The following PAN3 variants were observed in gnomAD, a reference collection of about 807,000 sequenced individuals.
The protein encoded by PAN3 is PAN2-PAN3 deadenylation complex subunit PAN3.
In PAN3, 19 loss-of-function variants were observed where a neutral mutation model predicts 96.2. That is an observed-to-expected ratio of 0.20 (90% CI 0.14 to 0.29). PAN3 has a LOEUF of 0.29. Ranked by LOEUF, PAN3 falls within the 10% of genes least tolerant of loss-of-function variation. The pLI is 1.00. For synonymous variants in PAN3, 433 were observed against 406.6 expected, an observed-to-expected ratio of 1.06 and a Z score of -0.78; for missense variants, 882 against 1,108.1, an observed-to-expected ratio of 0.80 and a Z score of 2.90.
rs549861147 is a variant in PAN3 at position 28,200,692 on chromosome 13, G to T, written c.852+3346G>T. On this transcript the variant is annotated intron_variant, in intron 5 of 18. Transcript: ENST00000380958. ...AATACATATGTGGAGCTGCTAATTA[G>T]AGAAACAGAGAAGCTTAAAATTTTT... 2.7e-4 allele frequency among the ~76,000 whole-genome samples: 41 copies of T among 152,314 alleles called. No individual in the cohort carries two copies. The South Asian group carries it at 4.3e-3, about 16-fold the overall frequency.
intron 5 of PAN3, among the ~76,000 whole-genome samples, chr13:28,211,211 T>G (rs560042492): frequency 4.9e-4 from 74 of 152,292 alleles, no homozygotes; most frequent in African/African-American, 1.6e-3. Context: ...GGGTCTCATC[T>G]TTTTATGTCT....
Position 28,139,105 on chromosome 13 carries a change from G to A in PAN3, c.430+18G>A. 1 of 1,271,948 alleles carries A rather than the reference G, an allele frequency of 7.9e-7. No homozygotes were observed. The highest frequency in any genetic ancestry group is 9.9e-7 in the Non-Finnish European group (1 of 1,010,134). 78.8% of individuals were successfully genotyped at this position (1,271,948 alleles called of 1,614,324 possible). A position where few individuals can be genotyped will look rare whatever the true frequency, so the allele number is the denominator to read the frequency against. ...GCTGGCAAGTGAGTGTTTTTCGGGC[G>A]GGGCGGGCCGCGGCGGCGGAGGGCA... On this transcript the variant is annotated intron_variant, in intron 1 of 18. Transcript: ENST00000380958.
chr13:28,205,928 A>C (rs1593470623), intron 5 of PAN3, among the ~76,000 whole-genome samples: 1 of 151,804 alleles, frequency 6.6e-6, no homozygotes, highest in East Asian at 1.9e-4. Flanking sequence ...ATTTTCATTA[A>C]TATTCTTATT....
At chr13:28,197,668 A>C (rs1367712708) in intron 5 of PAN3, among the ~76,000 whole-genome samples, 1 of 151,802 alleles carries the variant, frequency 6.6e-6, no homozygotes, top group Non-Finnish European at 1.5e-5. Flanking sequence ...CACCTCCCAG[A>C]TTCAAGATAC....
intron 5 of PAN3, chr13:28,215,214 T>C (rs1236111671): frequency 2.8e-6 from 2 of 712,460 alleles, no homozygotes; most frequent in East Asian, 5.1e-5. Flanking sequence ...GGCTCTGGAC[T>C]GCATCCTCCC....
At chr13:28,290,990 G>A (rs1323277008) in intron 18 of PAN3, among the ~76,000 whole-genome samples, 3 of 151,910 alleles carry the variant, frequency 2.0e-5, no homozygotes, top group African/African-American at 7.3e-5. Flanking sequence ...ATGAATATTA[G>A]GATAATTGAA....
At chr13:28,175,460 A>G (rs926942532) in intron 2 of PAN3, among the ~76,000 whole-genome samples, 3 of 152,152 alleles carry the variant, frequency 2.0e-5, no homozygotes, top group Non-Finnish European at 2.9e-5. Flanking sequence ...TGCCCAGGCT[A>G]GTCTCAAACT....
chr13:28,143,458 A>G (rs562125300), intron 1 of PAN3, among the ~76,000 whole-genome samples: 13 of 152,342 alleles, frequency 8.5e-5, no homozygotes, highest in South Asian at 6.2e-4. Flanking sequence ...TTTTATGTAC[A>G]TTATTTGAAA....
Position 28,290,518 on chromosome 13 carries a change from C to A in PAN3, c.2524-1864C>A, listed in dbSNP as rs188818914. Among the ~76,000 whole-genome samples the A allele has an allele frequency of 4.6e-5, 7 of 152,152 alleles. No homozygotes were observed. The East Asian group carries it at 1.4e-3, about 29-fold the overall frequency. Reference sequence around the variant, plus strand: ...CCAATGTGGAGAAACCCCATCTCTACTAAAAATACAAAATTAGCCGGGCGT... The same window carrying A: ...CCAATGTGGAGAAACCCCATCTCTAATAAAAATACAAAATTAGCCGGGCGT... On this transcript the variant is annotated intron_variant, in intron 18 of 18. Transcript: ENST00000380958.
intron 2 of PAN3, among the ~76,000 whole-genome samples, chr13:28,175,070 A>AT (rs1874790057): frequency 6.6e-6 from 1 of 152,050 alleles, no homozygotes; most frequent in African/African-American, 2.4e-5. Context: ...GTATTGCACA[A>AT]TTTTGTAGAA....
chr13:28,215,313 G>GTGGA, intron 5 of PAN3: 1 of 731,450 alleles, frequency 1.4e-6, no homozygotes, highest in Admixed American at 1.9e-5. Context: ...TGTGGACCGA[G>GTGGA]TGGAGACTGG....
rs1252632057 is a variant in PAN3 at position 28,194,093 on chromosome 13, GT to G, written c.691-3090del. ...AATCACCTGAACTAGGGAGGCGGAG[GT>G]TGCAGTGAGCTGAGATGATACCACT... On this transcript the variant is annotated intron_variant, in intron 4 of 18. Transcript: ENST00000380958. Among the ~76,000 whole-genome samples the G allele has an allele frequency of 2.0e-5, 3 of 150,514 alleles. No homozygotes were observed. In the South Asian group the frequency reaches 6.3e-4, roughly 32 times the overall value.
At chr13:28,179,107 A>T (rs1444517624) in intron 4 of PAN3, among the ~76,000 whole-genome samples, 1 of 152,236 alleles carries the variant, frequency 6.6e-6, no homozygotes, top group Non-Finnish European at 1.5e-5. Context: ...ACTAGAATTG[A>T]TAGACTAAAA....
chr13:28,202,183 T>G (rs1878793897), intron 5 of PAN3, among the ~76,000 whole-genome samples: 1 of 152,186 alleles, frequency 6.6e-6, no homozygotes, highest in Non-Finnish European at 1.5e-5. Flanking sequence ...TAATCACATA[T>G]TATCCCCATT....
Position 28,256,639 on chromosome 13 carries a change from CA to C in PAN3, c.1248+106del, listed in dbSNP as rs1177418107. ...CCTCCTGCAGCTTTTTATTGTGATGCAAAAAAGTATTTCATTTTCTAACTTA... is the reference window on the plus strand; with the variant it reads ...CCTCCTGCAGCTTTTTATTGTGATGCAAAAAGTATTTCATTTTCTAACTTA... On this transcript the variant is annotated intron_variant, in intron 7 of 18. Transcript: ENST00000380958. 3 of 1,268,942 alleles carry C rather than the reference CA, an allele frequency of 2.4e-6. No homozygotes were observed. In the Admixed American group the frequency reaches 7.6e-5, roughly 32 times the overall value. 78.6% of individuals were successfully genotyped at this position (1,268,942 alleles called of 1,614,324 possible). A position where few individuals can be genotyped will look rare whatever the true frequency, so the allele number is the denominator to read the frequency against.
At chr13:28,194,428 G>A (rs1293121219) in intron 4 of PAN3, among the ~76,000 whole-genome samples, 6 of 140,828 alleles carry the variant, frequency 4.3e-5, no homozygotes, top group African/African-American at 5.4e-5. Context: ...GTGTGTGTGT[G>A]TATATATACA....
intron 1 of PAN3, among the ~76,000 whole-genome samples, chr13:28,149,934 A>G (rs1184742767): frequency 6.6e-6 from 1 of 152,200 alleles, no homozygotes; most frequent in Admixed American, 6.5e-5. Flanking sequence ...CATTCTTTAT[A>G]TAGATATCTT....
At chr13:28,291,258 T>C (rs1288318927) in intron 18 of PAN3, among the ~76,000 whole-genome samples, 1 of 152,176 alleles carries the variant, frequency 6.6e-6, no homozygotes, top group Non-Finnish European at 1.5e-5. Context: ...ATGTATCAAT[T>C]AATGAAATAA....
At chr13:28,267,062 A>C in intron 10 of PAN3, 33 bp from the exon 11 acceptor site, 1 of 1,539,172 alleles carries the variant, frequency 6.5e-7, no homozygotes, top group East Asian at 2.3e-5. Context: ...GACGTCAATT[A>C]GAGTTTACTG....
Sources: gnomAD v4.1 joint callset for allele counts (sites outside exome capture counted in the v4.1 genomes callset) on GRCh38, gnomAD v4.1.1 for gene constraint, MANE v1.5 for transcripts, NCBI Gene and HGNC (gene_info 2026-07-23, HGNC 2026-07-21) for gene names.